The following DAW1 variants were observed in gnomAD, a reference collection of about 807,000 sequenced individuals.
The protein encoded by DAW1 is dynein assembly factor with WD repeats 1, also known as dynein assembly factor with WD repeat domains 1.
A neutral mutation model predicts 56.5 loss-of-function variants in DAW1; 47 were observed. That is an observed-to-expected ratio of 0.83 (90% confidence interval 0.66 to 1.06). DAW1 has a LOEUF of 1.06. Ranked by LOEUF, DAW1 falls within the 50% of genes least tolerant of loss-of-function variation. The pLI is 0.00. For synonymous variants in DAW1, 190 were observed against 179.0 expected (o/e 1.06, Z -0.49); for missense variants, 505 against 499.3 (o/e 1.01, Z -0.11).
At chr2:227,889,255 A>G (rs1371895514) in intron 2 of DAW1, among the ~76,000 whole-genome samples, 1 of 152,186 alleles carries the variant, frequency 6.6e-6, no homozygotes, top group Non-Finnish European at 1.5e-5. Flanking sequence ...GACCTGAAAC[A>G]GGGTTATTTG....
intron 1 of DAW1, among the ~76,000 whole-genome samples, chr2:227,879,750 A>G (rs948255532): frequency 3.4e-4 from 52 of 152,116 alleles, no homozygotes; most frequent in African/African-American, 1.2e-3. Flanking sequence ...AAAAAATCCA[A>G]CTGATTATTA....
At chr2:227,894,865 A>G (rs2106197948) in intron 5 of DAW1, among the ~76,000 whole-genome samples, 1 of 152,290 alleles carries the variant, frequency 6.6e-6, no homozygotes, top group South Asian at 2.1e-4. Context: ...GCTGATCAAG[A>G]GTTAGTTGTA....
At chr2:227,904,793 C>T (rs991353758) in intron 7 of DAW1, 136 bp from the exon 8 acceptor site, 4 of 701,976 alleles carry the variant, frequency 5.7e-6, no homozygotes, top group Non-Finnish European at 9.2e-6. Context: ...ACTCCCCATC[C>T]TCACCCCAGC....
chr2:227,873,768 C>T (rs906774156), intron 1 of DAW1, among the ~76,000 whole-genome samples: 2 of 152,142 alleles, frequency 1.3e-5, no homozygotes, highest in Non-Finnish European at 2.9e-5. Context: ...TCCAACTCCA[C>T]CTCTTGGATT....
intron 10 of DAW1, among the ~76,000 whole-genome samples, chr2:227,908,137 C>G (rs1318731052): frequency 6.6e-6 from 1 of 152,180 alleles, no homozygotes; most frequent in Non-Finnish European, 1.5e-5. Context: ...CTCCCTGTTG[C>G]TCACATGTGA....
chr2:227,872,154 G>T (rs1445169743), intron 1 of DAW1: 1 of 160,694 alleles, frequency 6.2e-6, no homozygotes, highest in Non-Finnish European at 1.3e-5. Flanking sequence ...TTTAGGTGAG[G>T]ACATGGTCAC....
chr2:227,906,282 T>C lies in DAW1; in HGVS notation c.802T>C (p.Ser268Pro). The C allele has an allele frequency of 1.2e-6, 2 of 1,613,632 alleles. No homozygotes were observed. The highest frequency in any genetic ancestry group is 1.7e-6 in the Non-Finnish European group (2 of 1,179,702). The change falls in exon 9 of 13, where the codon TCA (serine) becomes CCA (proline). Residue 268 changes from serine to proline, a missense_variant. Ser to Pro is a moderately conservative substitution (Grantham distance 74). Coordinates refer to ENST00000309931, the MANE Select transcript of DAW1 (RefSeq NM_178821.3). ...TCATTGTGCTGAGATTAGCAGTGCCTCATTCAATTGGGATTGCTCTCTAAT... is the reference window on the plus strand; with the variant it reads ...TCATTGTGCTGAGATTAGCAGTGCCCCATTCAATTGGGATTGCTCTCTAAT... ...IGHCAEISSA[S>P]FNWDCSLILT...
At chr2:227,906,886 A>G (rs1311883045) in intron 9 of DAW1, among the ~76,000 whole-genome samples, 3 of 152,084 alleles carry the variant, frequency 2.0e-5, no homozygotes, top group Non-Finnish European at 4.4e-5. Flanking sequence ...TTCTTTCTTT[A>G]ATGTAGTGGC....
At chr2:227,889,812 T>A in intron 2 of DAW1, 44 bp from the exon 3 acceptor site, 1 of 1,512,440 alleles carries the variant, frequency 6.6e-7, no homozygotes, top group Non-Finnish European at 8.8e-7. Flanking sequence ...TATATGCAAA[T>A]TTTGACATAA....
At position 227,923,917 on chromosome 2, in the gene DAW1, G is replaced by A. The variant is rs1338516345; in HGVS notation, c.1214-17G>A. Reference sequence around the variant, plus strand: ...GAAATGAAGAAAAAAATAACTGCATGAAATCTGTTTTATTAGGCAGCAAGG... The same window carrying A: ...GAAATGAAGAAAAAAATAACTGCATAAAATCTGTTTTATTAGGCAGCAAGG... On this transcript the variant is annotated splice_polypyrimidine_tract_variant and intron_variant, in intron 12 of 12. Transcript: ENST00000309931. 1.9e-6 allele frequency: 3 copies of A among 1,613,358 alleles called. No homozygotes were observed. Among genetic ancestry groups the A allele is most frequent in the African/African-American group, 2.7e-5 (2 of 74,874 alleles).
At chr2:227,921,725 TG>T (rs1217255339) in intron 12 of DAW1, among the ~76,000 whole-genome samples, 164 bp downstream of exon 12, 1 of 152,188 alleles carries the variant, frequency 6.6e-6, no homozygotes, top group Non-Finnish European at 1.5e-5. Context: ...TTTAGTTTTA[TG>T]AGGACCCACA....
chr2:227,906,457 C>T (rs1473795497), intron 9 of DAW1, 119 bp downstream of exon 9: 3 of 740,654 alleles, frequency 4.1e-6, no homozygotes, highest in Non-Finnish European at 3.8e-6. Flanking sequence ...TATTAATTTA[C>T]AAAAAATAGT....
chr2:227,907,209 C>G lies in DAW1; in HGVS notation c.930C>G (p.Cys310Trp), dbSNP rs747714792. The G allele has an allele frequency of 6.2e-7, 1 of 1,613,410 alleles. No homozygotes were observed. The highest frequency in any genetic ancestry group is 1.7e-5 in the Admixed American group (1 of 59,952). The change falls in exon 10 of 13, where the codon TGC (cysteine) becomes TGG (tryptophan). Residue 310 changes from cysteine (C) to tryptophan (W), a missense_variant. Cys to Trp is a radical substitution (Grantham distance 215). Transcript: ENST00000309931. ...ATGATGATGAAATACTAGACAGCTG[C>G]TTTGATTACACTGGAAAGCTTATTG... is the stretch of plus-strand genomic sequence containing the variant. ...TGHDDEILDS[C>W]FDYTGKLIAT...
At chr2:227,879,115 A>G (rs1690951906) in intron 1 of DAW1, among the ~76,000 whole-genome samples, 2 of 152,108 alleles carry the variant, frequency 1.3e-5, no homozygotes, top group South Asian at 4.1e-4. Context: ...ATTTATGTAT[A>G]GTCGAATAAT....
chr2:227,905,765 T>C (rs1329117282), intron 8 of DAW1, among the ~76,000 whole-genome samples: 1 of 152,112 alleles, frequency 6.6e-6, no homozygotes, highest in Admixed American at 6.6e-5. Flanking sequence ...TTTAGTTAGT[T>C]AGTTTTTGAG....
chr2:227,872,842 G>A (rs1284796329), intron 1 of DAW1, among the ~76,000 whole-genome samples: 7 of 151,972 alleles, frequency 4.6e-5, no homozygotes, highest in African/African-American at 1.2e-4. Context: ...CTCCATTCCA[G>A]CCACCATTCC....
At chr2:227,908,828 C>T (rs1011509234) in intron 10 of DAW1, among the ~76,000 whole-genome samples, 11 of 152,126 alleles carry the variant, frequency 7.2e-5, no homozygotes, top group Non-Finnish European at 1.3e-4. Context: ...ACATACCATG[C>T]GTGATGCTAT....
intron 6 of DAW1, among the ~76,000 whole-genome samples, chr2:227,901,988 G>A (rs1352416974): frequency 6.6e-6 from 1 of 152,176 alleles, no homozygotes; most frequent in African/African-American, 2.4e-5. Flanking sequence ...GTAAGATCAG[G>A]AAGTTCCTAC....
intron 10 of DAW1, among the ~76,000 whole-genome samples, chr2:227,908,086 T>G (rs141603119): frequency 7.4e-4 from 113 of 152,326 alleles, no homozygotes; most frequent in Non-Finnish European, 1.3e-3. Context: ...TGTGCTTCAA[T>G]CCTGTGACAG....
Sources: allele counts gnomAD v4.1 joint callset (sites outside exome capture counted in the v4.1 genomes callset), GRCh38; gene constraint gnomAD v4.1.1; transcripts MANE v1.5; gene names NCBI Gene and HGNC (gene_info 2026-07-23, HGNC 2026-07-21).